RHOBTB1: variants seen among roughly 807,000 people sequenced by gnomAD.
The protein encoded by RHOBTB1 is rho-related BTB domain-containing protein 1.
Under a neutral mutation model 71.6 loss-of-function variants are expected in RHOBTB1, and 40 were observed. The ratio of observed to expected loss-of-function variants is 0.56; its 90% confidence interval spans 0.43 to 0.73. The LOEUF (loss-of-function observed/expected upper bound fraction) is 0.73, where lower values mean the gene tolerates loss of function less well. Ranked by LOEUF, RHOBTB1 falls within the 30% of genes least tolerant of loss-of-function variation. RHOBTB1 has a pLI of 0.00. For missense variants in RHOBTB1, 797 were observed against 894.0 expected (o/e 0.89, Z 1.38); for synonymous variants, 319 against 334.9 (o/e 0.95, Z 0.52).
Position 60,893,008 on chromosome 10 carries a change from C to T in RHOBTB1, c.297-13G>A. The stretch of plus-strand genomic sequence containing the variant: ...CACAACATCAGACCTAAAAGGAAAT[C>T]ATAAAAGAAGCTTGTATTGCCTTTT... On this transcript the variant is annotated splice_polypyrimidine_tract_variant and intron_variant, in intron 4 of 10. Transcript: ENST00000337910. The T allele has an allele frequency of 1.2e-6, 2 of 1,600,620 alleles. No individual in the cohort carries two copies. The highest frequency in any genetic ancestry group is 1.7e-6 in the Non-Finnish European group (2 of 1,173,760).
chr10:60,868,919 G>T (rs2080657272), downstream of RHOBTB1, among the ~76,000 whole-genome samples: 1 of 152,140 alleles, frequency 6.6e-6, no homozygotes, highest in Non-Finnish European at 1.5e-5. Flanking sequence ...TACAGTTATG[G>T]GTAGCCTGTC....
chr10:60,895,207 C>T (rs1413576180), intron 4 of RHOBTB1, among the ~76,000 whole-genome samples: 1 of 152,120 alleles, frequency 6.6e-6, no homozygotes, highest in Admixed American at 6.5e-5. Flanking sequence ...AAATATTTCA[C>T]CTCAAAATAA....
At chr10:60,978,356 G>T (rs1375238762) in intron 2 of RHOBTB1, among the ~76,000 whole-genome samples, 1 of 152,226 alleles carries the variant, frequency 6.6e-6, no homozygotes, top group East Asian at 1.9e-4. Context: ...CTCCCAAAGG[G>T]CTTTATGTCT....
chr10:60,987,930 T>TA (rs1303281357), intron 1 of RHOBTB1, among the ~76,000 whole-genome samples: 2 of 122,228 alleles, frequency 1.6e-5, no homozygotes, highest in Non-Finnish European at 3.3e-5. Context: ...TTTTTTTTTT[T>TA]TTTTTTTTTT....
Position 60,987,241 on chromosome 10 carries a change from T to G in RHOBTB1, c.-162-1296A>C, listed in dbSNP as rs76488904. Among the ~76,000 whole-genome samples, 841 of 152,344 alleles carry G rather than the reference T, an allele frequency of 5.5e-3. 7 individuals are homozygous for G. Among genetic ancestry groups the G allele is most frequent in the Middle Eastern group, 0.037 (11 of 294 alleles). ...CAAGAAACTCCCCTGAATTTTCTTC[T>G]TCTGGCTTCTCTTCTGCCTTCCCTT... is the stretch of plus-strand genomic sequence containing the variant. On this transcript the variant is annotated intron_variant, in intron 1 of 11. Transcript: ENST00000357917.
intron 2 of RHOBTB1, among the ~76,000 whole-genome samples, chr10:60,936,159 C>T (rs992861633): frequency 2.6e-5 from 4 of 152,238 alleles, no homozygotes; most frequent in South Asian, 2.1e-4. Context: ...AGAGTTCTGA[C>T]GTACGTCTTT....
chr10:60,889,089 CT>C lies in RHOBTB1; in HGVS notation c.578del (p.Gln193ArgfsTer16), dbSNP rs1564817976. The part of the protein sequence containing the change: ...LPYYETSVFD[Q>X]FGIKDVFDNA... The stretch of plus-strand genomic sequence containing the variant: ...TGTCAAACACATCCTTGATACCAAA[CT>C]GGTCAAACACGCTTGTTTCATAGTA... On this transcript the variant is annotated frameshift_variant, in exon 6 of 11. Transcript: ENST00000337910. LOFTEE classifies it high-confidence loss of function. 4 of 1,614,072 alleles carry C rather than the reference CT, an allele frequency of 2.5e-6. No individual in the cohort carries two copies. The highest frequency in any genetic ancestry group is 3.4e-6 in the Non-Finnish European group (4 of 1,180,034).
chr10:60,925,362 C>T (rs2083807751), intron 2 of RHOBTB1, among the ~76,000 whole-genome samples: 1 of 152,056 alleles, frequency 6.6e-6, no homozygotes, highest in Non-Finnish European at 1.5e-5. Context: ...TAAAAAGAAA[C>T]CTTAAAAATT....
intron 4 of RHOBTB1, among the ~76,000 whole-genome samples, chr10:60,908,628 T>C (rs2082803056): frequency 6.6e-6 from 1 of 152,204 alleles, no homozygotes; most frequent in South Asian, 2.1e-4. Context: ...TAGGGACCTA[T>C]AGTGAATTAA....
chr10:60,978,162 T>A (rs1274591211), intron 2 of RHOBTB1, among the ~76,000 whole-genome samples: 1 of 152,192 alleles, frequency 6.6e-6, no homozygotes, highest in Non-Finnish European at 1.5e-5. Flanking sequence ...TATTTTTGCC[T>A]ATTGAAGCAT....
chr10:60,868,473 T>C (rs1473622026), downstream of RHOBTB1, among the ~76,000 whole-genome samples: 1 of 152,250 alleles, frequency 6.6e-6, no homozygotes, highest in African/African-American at 2.4e-5. Context: ...TGACTAGTAG[T>C]ATTTCTTCTG....
intron 9 of RHOBTB1, among the ~76,000 whole-genome samples, chr10:60,872,538 C>CATAA (rs2080845569): frequency 6.6e-6 from 1 of 152,208 alleles, no homozygotes; most frequent in East Asian, 1.9e-4. Flanking sequence ...GAATCACGAG[C>CATAA]TTAAAGTATG....
At chr10:60,940,243 T>G (rs575968995) in intron 2 of RHOBTB1, among the ~76,000 whole-genome samples, 4 of 152,168 alleles carry the variant, frequency 2.6e-5, no homozygotes, top group African/African-American at 9.7e-5. Flanking sequence ...AAAGATGATA[T>G]CCTAAGGTTT....
upstream of RHOBTB1, among the ~76,000 whole-genome samples, chr10:60,947,214 A>G (rs2085267050): frequency 6.6e-6 from 1 of 152,226 alleles, no homozygotes; most frequent in Non-Finnish European, 1.5e-5. Flanking sequence ...CCATTTTTGT[A>G]TACTAAAATC....
At chr10:60,911,669 G>A in intron 2 of RHOBTB1, 117 bp from the exon 3 acceptor site, 1 of 779,922 alleles carries the variant, frequency 1.3e-6, no homozygotes, top group South Asian at 1.7e-5. Context: ...AGGTGCACAA[G>A]CACAGGAAAG....
intron 2 of RHOBTB1, among the ~76,000 whole-genome samples, chr10:60,931,102 CT>C (rs1377145622): frequency 6.6e-6 from 1 of 152,114 alleles, no homozygotes; most frequent in Non-Finnish European, 1.5e-5. Flanking sequence ...GAGGCTATAA[CT>C]TGTTCCTGCC....
chr10:60,935,030 T>C (rs2084494341), intron 2 of RHOBTB1, among the ~76,000 whole-genome samples: 1 of 152,204 alleles, frequency 6.6e-6, no homozygotes, highest in Admixed American at 6.5e-5. Context: ...CATACTGCTA[T>C]CTGTACAAGA....
At chr10:60,966,675 C>A (rs1213518744) in intron 2 of RHOBTB1, among the ~76,000 whole-genome samples, 2 of 147,920 alleles carry the variant, frequency 1.4e-5, no homozygotes, top group African/African-American at 5.0e-5. Context: ...TTTTTTGGTT[C>A]TTTTTTTTTA....
intron 2 of RHOBTB1, among the ~76,000 whole-genome samples, chr10:60,913,747 T>C (rs899338069): frequency 3.9e-5 from 6 of 152,080 alleles, no homozygotes; most frequent in African/African-American, 7.2e-5. Context: ...AGGGCTGAGG[T>C]TGTGAAACCC....
Sources: gnomAD v4.1 joint callset for allele counts (sites outside exome capture counted in the v4.1 genomes callset) on GRCh38, gnomAD v4.1.1 for gene constraint, MANE v1.5 for transcripts, NCBI Gene and HGNC (gene_info 2026-07-23, HGNC 2026-07-21) for gene names.